Variants in KCNQ3 observed in about 807,000 individuals in gnomAD.
KCNQ3 encodes potassium voltage-gated channel subfamily KQT member 3.
In KCNQ3, 30 loss-of-function variants were observed where a neutral mutation model predicts 92.5. The ratio of observed to expected loss-of-function variants is 0.32; its 90% CI spans 0.24 to 0.44. The LOEUF (loss-of-function observed/expected upper bound fraction) is 0.44, where lower values mean the gene tolerates loss of function less well. Among genes scored for constraint, KCNQ3 ranks in the 20% least tolerant of loss-of-function variants. KCNQ3 has a pLI of 1.00. For missense variants in KCNQ3, 913 were observed against 1,140.3 expected, an observed-to-expected ratio of 0.80 and a Z score of 2.87; for synonymous variants, 450 against 468.8, an observed-to-expected ratio of 0.96 and a Z score of 0.52.
intron 1 of KCNQ3, among the ~76,000 whole-genome samples, chr8:132,285,584 G>A (rs1031528948): frequency 6.6e-6 from 1 of 152,186 alleles, no homozygotes; most frequent in African/African-American, 2.4e-5. Flanking sequence ...GAAGCAGAGT[G>A]AAAAGATTTG....
intron 1 of KCNQ3, among the ~76,000 whole-genome samples, chr8:132,411,007 C>T (rs1008321250): frequency 6.6e-6 from 1 of 152,188 alleles, no homozygotes; most frequent in Non-Finnish European, 1.5e-5. Flanking sequence ...TAAAAGCCCC[C>T]TTTCTATAAA....
intron 9 of KCNQ3, among the ~76,000 whole-genome samples, chr8:132,161,639 C>CA (rs780538559): frequency 1.4e-5 from 2 of 140,970 alleles, no homozygotes; most frequent in Non-Finnish European, 3.1e-5. Context: ...CTCAAAAAAA[C>CA]AAAAAACAAA....
At position 132,390,169 on chromosome 8, in the gene KCNQ3, TCTATATG is replaced by T. The variant is rs1429117900; in HGVS notation, c.386+89971_386+89977del. On this transcript the variant is annotated intron_variant, in intron 1 of 14. Transcript: ENST00000388996. ...AAAGCTAGACACAAAGTTAACACCT[TCTATATG>T]TGGTTCCAGTTATATAAAACCAAAA... 7.9e-5 allele frequency among the ~76,000 whole-genome samples: 12 copies of T among 152,302 alleles called. No homozygotes were observed. The South Asian group carries it at 2.5e-3, about 32-fold the overall frequency.
At chr8:132,147,005 T>C (rs1053864981) in intron 9 of KCNQ3, among the ~76,000 whole-genome samples, 22 of 152,238 alleles carry the variant, frequency 1.4e-4, no homozygotes, top group African/African-American at 5.1e-4. Context: ...TTTTATGTTA[T>C]GTGTATCTGA....
At chr8:132,322,694 A>G (rs1035389153) in intron 1 of KCNQ3, among the ~76,000 whole-genome samples, 1 of 152,194 alleles carries the variant, frequency 6.6e-6, no homozygotes, top group African/African-American at 2.4e-5. Context: ...ATGTGCCTCT[A>G]TACTCACTTG....
chr8:132,359,417 C>T (rs777968782), intron 1 of KCNQ3, among the ~76,000 whole-genome samples: 59 of 152,150 alleles, frequency 3.9e-4, no homozygotes, highest in Non-Finnish European at 7.3e-4. Flanking sequence ...TACCAGGGTG[C>T]TCACTGTGTC....
chr8:132,283,853 G>T (rs1312606618), intron 1 of KCNQ3, among the ~76,000 whole-genome samples: 3 of 152,184 alleles, frequency 2.0e-5, no homozygotes, highest in Non-Finnish European at 4.4e-5. Context: ...TGGTCACAAG[G>T]ATTACAAGTC....
chr8:132,365,838 T>A (rs1819306174), intron 1 of KCNQ3, among the ~76,000 whole-genome samples: 1 of 152,146 alleles, frequency 6.6e-6, no homozygotes, highest in African/African-American at 2.4e-5. Flanking sequence ...GAGACTAGCC[T>A]AGGCAACATG....
intron 1 of KCNQ3, among the ~76,000 whole-genome samples, chr8:132,235,036 T>A (rs1311421191): frequency 6.6e-6 from 1 of 152,194 alleles, no homozygotes. Context: ...GAATTATATG[T>A]AAAAAATAAA....
In KCNQ3 at chr8:132,129,639, G is replaced by A; in HGVS notation, c.2242C>T (p.Leu748=). The A allele has an allele frequency of 6.2e-7, 1 of 1,614,148 alleles. No individual in the cohort carries two copies. Among genetic ancestry groups the A allele is most frequent in the South Asian group, 1.1e-5 (1 of 91,068 alleles). ...GAGTCGAGAAGAGTCAAGATAGGCA[G>A]GACCGTGGGCCTCTCCACATACGTT... ...ATTYVERPTV[L]PILTLLDSRV... The change falls in exon 15 of 15, where the codon CTG becomes TTG. Residue 748 remains leucine (L), a synonymous_variant. Coordinates refer to ENST00000388996, the MANE Select transcript of KCNQ3 (RefSeq NM_004519.4). The surrounding 1 kb of genome is among the most constrained non-coding windows in gnomAD (Gnocchi z 5.9).
chr8:132,342,909 C>T (rs1818574893), intron 1 of KCNQ3, among the ~76,000 whole-genome samples: 1 of 152,194 alleles, frequency 6.6e-6, no homozygotes, highest in Non-Finnish European at 1.5e-5. Flanking sequence ...CCATCACCTA[C>T]TGCACTATAA....
intron 1 of KCNQ3, among the ~76,000 whole-genome samples, chr8:132,347,759 C>T (rs563536961): frequency 8.6e-5 from 13 of 152,042 alleles, no homozygotes; most frequent in African/African-American, 2.4e-4. Flanking sequence ...GGGCAGATCA[C>T]GAGGTCAGGA....
At position 132,478,313 on chromosome 8, in the gene KCNQ3, TG is replaced by T. The variant is rs199833730; in HGVS notation, c.386+1833del. On this transcript the variant is annotated intron_variant, in intron 1 of 14. Transcript: ENST00000388996. ...GGCTGGAGGTGCTGGCTGGGAAAGG[TG>T]GGAAGAGAAGAAAGAGGGAGCCCAC... Among the ~76,000 whole-genome samples, 118 of 151,858 alleles carry T rather than the reference TG, an allele frequency of 7.8e-4. 1 individual carries two copies. In the East Asian group the frequency reaches 0.017, roughly 22 times the overall value.
At chr8:132,458,868 C>T (rs1458917123) in intron 1 of KCNQ3, among the ~76,000 whole-genome samples, 3 of 152,360 alleles carry the variant, frequency 2.0e-5, no homozygotes, top group African/African-American at 7.2e-5. Context: ...ACATTTGTTA[C>T]AACTAATAAA....
chr8:132,331,260 T>C (rs966867765), intron 1 of KCNQ3, among the ~76,000 whole-genome samples: 1 of 152,148 alleles, frequency 6.6e-6, no homozygotes, highest in Middle Eastern at 3.2e-3. Context: ...ACAGAGCTCG[T>C]AATAAAGGCC....
At position 132,170,284 on chromosome 8, in the gene KCNQ3, A is replaced by G. The variant is rs1826285071; in HGVS notation, c.1235+50T>C. 5 of 1,327,084 alleles carry G rather than the reference A, an allele frequency of 3.8e-6. No homozygotes were observed. In the South Asian group the frequency reaches 4.7e-5, roughly 12 times the overall value. 82.2% of individuals were successfully genotyped at this position (1,327,084 alleles called of 1,614,324 possible). ...GGCCACAGACACGAATACAGACCGCAGGAGAGATGGCTGGTCACGCCCTGA... is the reference window on the plus strand; with the variant it reads ...GGCCACAGACACGAATACAGACCGCGGGAGAGATGGCTGGTCACGCCCTGA... On this transcript the variant is annotated intron_variant, in intron 8 of 14. Coordinates refer to ENST00000388996, the MANE Select transcript of KCNQ3 (RefSeq NM_004519.4).
At chr8:132,199,465 G>C (rs1827394857) in intron 1 of KCNQ3, among the ~76,000 whole-genome samples, 1 of 152,058 alleles carries the variant, frequency 6.6e-6, no homozygotes, top group African/African-American at 2.4e-5. Flanking sequence ...TGATATTTTT[G>C]TCTTCCCTCT....
intron 6 of KCNQ3, 139 bp downstream of exon 6, chr8:132,174,100 A>G (rs1826469309): frequency 1.4e-6 from 1 of 715,430 alleles, no homozygotes; most frequent in Non-Finnish European, 2.5e-6. Flanking sequence ...AAAAGGCAGG[A>G]TCATCATGCT....
chr8:132,161,075 A>G (rs1825969560), intron 9 of KCNQ3, among the ~76,000 whole-genome samples: 1 of 152,136 alleles, frequency 6.6e-6, no homozygotes, highest in African/African-American at 2.4e-5. Context: ...AGCTGGGCTT[A>G]TGTTCCACAG....
Sources: gnomAD v4.1 joint callset for allele counts (sites outside exome capture counted in the v4.1 genomes callset) on GRCh38, gnomAD v4.1.1 for gene constraint, Gnocchi (gnomAD v3.1) non-coding constraint, MANE v1.5 for transcripts, NCBI Gene and HGNC (gene_info 2026-07-23, HGNC 2026-07-21) for gene names.